The following PSMB5 variants were observed in gnomAD, a reference collection of about 807,000 sequenced individuals.
PSMB5 encodes proteasome subunit beta type-5.
Under a neutral mutation model 22.8 loss-of-function variants are expected in PSMB5, and 2 were observed. The observed-to-expected ratio is 0.09, with a 90% confidence interval of 0.04 to 0.28. The LOEUF is 0.28. Ranked by LOEUF, PSMB5 falls within the 10% of genes least tolerant of loss-of-function variation. PSMB5 has a pLI of 1.00. For missense variants in PSMB5, 269 were observed against 343.8 expected (o/e 0.78, Z 1.72); for synonymous variants, 133 against 135.3 (o/e 0.98, Z 0.12).
chr14:23,033,620 T>G lies in PSMB5; in HGVS notation c.253A>C (p.Ile85Leu). The change falls in exon 2 of 3, where the codon ATT becomes CTT. Residue 85 changes from isoleucine (I) to leucine (L), a missense_variant. Coordinates refer to ENST00000361611, the MANE Select transcript of PSMB5 (RefSeq NM_002797.5). Reference sequence around the variant, plus strand: ...ACCTTCTTCACCGTCTGGGAGGCAATGTAAGCACCCGCTGTAGCCCTGGAG... The same window carrying G: ...ACCTTCTTCACCGTCTGGGAGGCAAGGTAAGCACCCGCTGTAGCCCTGGAG... ...ADSRATAGAYIASQTVKKVIE... is the reference protein window; with the variant it reads ...ADSRATAGAYLASQTVKKVIE... 6.2e-7 allele frequency: 1 copy of G among 1,613,710 alleles called. No homozygotes were observed. The highest frequency in any genetic ancestry group is 1.1e-5 in the South Asian group (1 of 91,092).
At chr14:23,035,191 A>C, upstream of PSMB5, 1 of 344,588 alleles carries the variant, frequency 2.9e-6, no homozygotes. Context: ...GAAAACGTCC[A>C]TGTTGCGTAA....
intron 1 of PSMB5, among the ~76,000 whole-genome samples, 159 bp from the exon 2 acceptor site, chr14:23,033,833 C>G (rs138609191): frequency 4.8e-4 from 73 of 152,296 alleles, no homozygotes; most frequent in Non-Finnish European, 7.8e-4. Context: ...TAATGTCACC[C>G]GAGCTTCACA....
At position 23,025,943 on chromosome 14, in the gene PSMB5, T is replaced by C. The variant is rs960299967; in HGVS notation, c.*146A>G. The stretch of plus-strand genomic sequence containing the variant: ...CAGCTCATTAATGACTGGTAACACA[T>C]AGAGGTCAATGTGCCAGAGCTTAAA... On this transcript the variant is annotated 3_prime_UTR_variant, in exon 3 of 3. Coordinates refer to ENST00000361611, the MANE Select transcript of PSMB5 (RefSeq NM_002797.5). The C allele has an allele frequency of 8.1e-6, 12 of 1,488,000 alleles. No homozygotes were observed. In the Admixed American group the frequency reaches 1.2e-4, roughly 15 times the overall value. 92.2% of individuals were successfully genotyped at this position (1,488,000 alleles called of 1,614,324 possible). A position where few individuals can be genotyped will look rare whatever the true frequency, so the allele number is the denominator to read the frequency against.
intron 2 of PSMB5, 108 bp from the exon 3 acceptor site, chr14:23,026,483 CTT>C: frequency 7.6e-6 from 11 of 1,448,488 alleles, no homozygotes; most frequent in South Asian, 1.4e-5. Flanking sequence ...GAGTTTTGCT[CTT>C]GTTGCCCAAG....
At chr14:23,032,929 CAG>C (rs756615728) in intron 2 of PSMB5, among the ~76,000 whole-genome samples, 7 of 149,890 alleles carry the variant, frequency 4.7e-5, no homozygotes, top group Admixed American at 4.6e-4. Flanking sequence ...TTTTTTGAGA[CAG>C]AGTCTCACTC....
intron 2 of PSMB5, among the ~76,000 whole-genome samples, chr14:23,028,949 C>T (rs866759241): frequency 8.3e-4 from 127 of 152,322 alleles, no homozygotes; most frequent in African/African-American, 1.2e-3. Context: ...CACAAACCCA[C>T]GCTTCCTCCT....
intron 1 of PSMB5, among the ~76,000 whole-genome samples, chr14:23,034,125 C>CAAA (rs56294105): frequency 2.5e-4 from 23 of 93,634 alleles, no homozygotes; most frequent in African/African-American, 8.2e-4. Flanking sequence ...AGCCCTGTTT[C>CAAA]AAAAAAAAAA....
At chr14:23,027,392 AAATAAT>A (rs957701841) in intron 2 of PSMB5, among the ~76,000 whole-genome samples, 16 of 141,396 alleles carry the variant, frequency 1.1e-4, no homozygotes, top group African/African-American at 2.1e-4. Flanking sequence ...AAAAAAAAAA[AAATAAT>A]AATAATAATA....
At position 23,033,652 on chromosome 14, in the gene PSMB5, G is replaced by T; in HGVS notation, c.221C>A (p.Ala74Glu). The change falls in exon 2 of 3, where the codon GCA (alanine) becomes GAA (glutamate). Residue 74 changes from alanine to glutamate, a missense_variant. Around this residue, in one of 3 missense-constraint regions of PSMB5, gnomAD observed 75 missense variants for 143.2 expected, o/e 0.52. Coordinates refer to ENST00000361611, the MANE Select transcript of PSMB5 (RefSeq NM_002797.5). ...ACCCGCTGTAGCCCTGGAGTCAGCT[G>T]CAACTATGACTCCATGGCGGAACTG... ...AFKFRHGVIV[A>E]ADSRATAGAY... 1 of 1,609,494 alleles carries T rather than the reference G, an allele frequency of 6.2e-7. No homozygotes were observed. Among genetic ancestry groups the T allele is most frequent in the Non-Finnish European group, 8.5e-7 (1 of 1,176,240 alleles).
At chr14:23,028,902 T>A (rs976746987) in intron 2 of PSMB5, among the ~76,000 whole-genome samples, 4 of 152,212 alleles carry the variant, frequency 2.6e-5, no homozygotes, top group Non-Finnish European at 5.9e-5. Flanking sequence ...ATACCAGTGG[T>A]TCTCCATTAC....
intron 2 of PSMB5, among the ~76,000 whole-genome samples, chr14:23,030,839 C>T (rs1266487756): frequency 1.3e-5 from 2 of 152,072 alleles, no homozygotes; most frequent in Non-Finnish European, 2.9e-5. Context: ...GGCAGGAGAT[C>T]ACTTGAACCC....
At chr14:23,027,862 G>A (rs1178052999) in intron 2 of PSMB5, 10 of 1,507,404 alleles carry the variant, frequency 6.6e-6, no homozygotes, top group South Asian at 2.4e-5. Flanking sequence ...CATAATCCCC[G>A]GCCAGGCGCA....
intron 2 of PSMB5, chr14:23,027,706 A>C (rs916294771): frequency 1.4e-6 from 2 of 1,432,522 alleles, no homozygotes; most frequent in Non-Finnish European, 1.9e-6. Context: ...AGGATTCTAC[A>C]ACATACCACC....
chr14:23,033,224 G>GAA (rs142564613), intron 2 of PSMB5, 144 bp downstream of exon 2: 60 of 713,712 alleles, frequency 8.4e-5, no homozygotes, highest in Non-Finnish European at 1.1e-4. Flanking sequence ...AAAAAAACAG[G>GAA]AAAAAAAAAA....
At chr14:23,032,408 C>T (rs2046959245) in intron 2 of PSMB5, among the ~76,000 whole-genome samples, 1 of 152,072 alleles carries the variant, frequency 6.6e-6, no homozygotes. Context: ...AATGCCATTA[C>T]ACGCCAGACT....
Position 23,033,390 on chromosome 14 carries a change from A to G in PSMB5, c.483T>C (p.Cys161=), listed in dbSNP as rs2046967841. The G allele has an allele frequency of 2.5e-6, 4 of 1,610,678 alleles. No individual in the cohort carries two copies. The highest frequency in any genetic ancestry group is 3.4e-6 in the Non-Finnish European group (4 of 1,177,284). The change falls in exon 2 of 3, where the codon TGT becomes TGC. Residue 161 remains cysteine, a synonymous_variant. Coordinates refer to ENST00000361611, the MANE Select transcript of PSMB5 (RefSeq NM_002797.5). Reference sequence around the variant, plus strand: ...CACCAGGGCCTCTCTTATCCCAGCCACAGATCATGGTGCCCATGGACAGCC... The same window carrying G: ...CACCAGGGCCTCTCTTATCCCAGCCGCAGATCATGGTGCCCATGGACAGCC... ...GMGLSMGTMI[C]GWDKRGPGLY...
chr14:23,032,555 C>A (rs1350359385), intron 2 of PSMB5, among the ~76,000 whole-genome samples: 1 of 151,942 alleles, frequency 6.6e-6, no homozygotes, highest in Non-Finnish European at 1.5e-5. Flanking sequence ...TCAATGAACA[C>A]TTGAAATAGC....
chr14:23,035,144 C>A, upstream of PSMB5: 1 of 539,290 alleles, frequency 1.9e-6, no homozygotes, highest in Non-Finnish European at 3.1e-6. Context: ...GCAAGTAGTC[C>A]TGGATCAGAA....
intron 2 of PSMB5, 143 bp downstream of exon 2, chr14:23,033,224 GA>G (rs142564613): frequency 0.077 from 47,185 of 613,850 alleles, no homozygotes; most frequent in Middle Eastern, 0.12. Context: ...AAAAAAACAG[GA>G]AAAAAAAAAA....
Sources: gnomAD v4.1 joint callset for allele counts (sites outside exome capture counted in the v4.1 genomes callset) on GRCh38, gnomAD v4.1.1 for gene constraint, gnomAD v4.1.1 regional missense constraint, MANE v1.5 for transcripts, NCBI Gene and HGNC (gene_info 2026-07-23, HGNC 2026-07-21) for gene names.